The following PTPRJ variants were observed in gnomAD, a reference collection of about 807,000 sequenced individuals.
PTPRJ encodes protein tyrosine phosphatase receptor type J, also known as receptor-type tyrosine-protein phosphatase eta.
PTPRJ carries 129 observed loss-of-function variants against 141.3 expected under a neutral mutation model. The observed-to-expected ratio is 0.91, with a 90% confidence interval of 0.79 to 1.06. The LOEUF is 1.06. PTPRJ is among the 50% of genes least tolerant of loss of function. PTPRJ has a pLI of 0.00. For synonymous variants in PTPRJ, 610 were observed against 640.5 expected (o/e 0.95, Z 0.72); for missense variants, 1,601 against 1,679.7 (o/e 0.95, Z 0.82).
At chr11:48,105,788 A>C (rs1856273818) in intron 1 of PTPRJ, among the ~76,000 whole-genome samples, 1 of 151,972 alleles carries the variant, frequency 6.6e-6, no homozygotes, top group Admixed American at 6.6e-5. Context: ...TGCTGTGCCC[A>C]CTAGGAGGAG....
intron 1 of PTPRJ, among the ~76,000 whole-genome samples, chr11:48,043,936 C>T (rs1854329415): frequency 6.6e-6 from 1 of 152,220 alleles, no homozygotes; most frequent in Non-Finnish European, 1.5e-5. Context: ...CAGGCTGCTG[C>T]TGGAGGAACC....
chr11:48,013,395 C>CA (rs1157907993), intron 1 of PTPRJ, among the ~76,000 whole-genome samples: 1 of 152,146 alleles, frequency 6.6e-6, no homozygotes, highest in Admixed American at 6.5e-5. Flanking sequence ...CTGCAGGAGC[C>CA]AGTGCCGGTA....
In PTPRJ at chr11:48,055,349, C is replaced by T. The variant is rs539683779; in HGVS notation, c.97-54709C>T. On this transcript the variant is annotated intron_variant, in intron 1 of 24. Coordinates refer to ENST00000418331, the MANE Select transcript of PTPRJ (RefSeq NM_002843.4). The stretch of plus-strand genomic sequence containing the variant: ...TTTTGCCTGGCTGAATGCCTGCAAG[C>T]ATGGGAACTTTTGATGCAACAGTAA... 8.5e-5 allele frequency among the ~76,000 whole-genome samples: 13 copies of T among 152,306 alleles called. 1 individual carries two copies. The highest frequency in any genetic ancestry group is 3.1e-4 in the African/African-American group (13 of 41,566).
chr11:48,136,111 C>T lies in PTPRJ; in HGVS notation c.1688C>T (p.Pro563Leu), dbSNP rs767845396. Residue 563 changes from proline (P) to leucine (L), a missense_variant, in exon 9 of 25, where the codon CCT becomes CTT. Transcript: ENST00000418331. ...GAGATGTGGCTGGACTGGAAGAGCC[C>T]TGACGGTGCTTCCGAGTATGTCTAC... ...TTEMWLDWKS[P>L]DGASEYVYHL... The T allele has an allele frequency of 4.9e-5, 79 of 1,614,052 alleles. No homozygotes were observed. In the East Asian group the frequency reaches 1.6e-3, roughly 34 times the overall value.
At chr11:48,110,661 A>G (rs949563343) in intron 2 of PTPRJ, among the ~76,000 whole-genome samples, 2 of 152,182 alleles carry the variant, frequency 1.3e-5, no homozygotes, top group African/African-American at 4.8e-5. Flanking sequence ...CATTATTTGT[A>G]TATTGTTTAT....
intron 1 of PTPRJ, among the ~76,000 whole-genome samples, chr11:48,031,675 T>C (rs143363259): frequency 5.3e-5 from 8 of 152,268 alleles, no homozygotes; most frequent in Non-Finnish European, 8.8e-5. Flanking sequence ...ATGTACAGAT[T>C]TGGCTCAGAG....
chr11:48,113,117 A>G, intron 3 of PTPRJ, 134 bp downstream of exon 3: 1 of 666,608 alleles, frequency 1.5e-6, no homozygotes, highest in Non-Finnish European at 2.5e-6. Context: ...TAAAGATAGT[A>G]ATGCATATTC....
At chr11:48,149,312 G>A in intron 15 of PTPRJ, 135 bp from the exon 16 acceptor site, 1 of 672,680 alleles carries the variant, frequency 1.5e-6, no homozygotes. Flanking sequence ...AGGATTTGGT[G>A]TCAGCTGTGA....
intron 23 of PTPRJ, among the ~76,000 whole-genome samples, 166 bp from the exon 24 acceptor site, chr11:48,164,214 T>C (rs963025473): frequency 1.3e-5 from 2 of 152,250 alleles, no homozygotes; most frequent in African/African-American, 4.8e-5. Flanking sequence ...AAGCTAGTGC[T>C]GTCTGACTTG....
At chr11:48,031,922 T>C (rs1046962785) in intron 1 of PTPRJ, among the ~76,000 whole-genome samples, 10 of 152,074 alleles carry the variant, frequency 6.6e-5, no homozygotes, top group African/African-American at 2.4e-4. Context: ...ATTTCAAGGG[T>C]TATTTTGCTT....
intron 6 of PTPRJ, among the ~76,000 whole-genome samples, chr11:48,125,546 A>G (rs901350595): frequency 6.6e-6 from 1 of 152,228 alleles, no homozygotes; most frequent in African/African-American, 2.4e-5. Context: ...TGAGTTAAGA[A>G]AGTTATGAAA....
intron 1 of PTPRJ, among the ~76,000 whole-genome samples, chr11:48,033,520 T>C (rs1854042193): frequency 6.6e-6 from 1 of 152,136 alleles, no homozygotes; most frequent in African/African-American, 2.4e-5. Flanking sequence ...GGGATACAAG[T>C]ACCTGTTCAT....
At chr11:48,120,694 C>T (rs886753721) in intron 3 of PTPRJ, among the ~76,000 whole-genome samples, 1 of 152,104 alleles carries the variant, frequency 6.6e-6, no homozygotes, top group African/African-American at 2.4e-5. Flanking sequence ...CCGCCTTGAC[C>T]TCCTAAAGTT....
In PTPRJ at chr11:48,155,875, G is replaced by C. The variant is rs761584872; in HGVS notation, c.3303+1G>C. 3 of 1,600,454 alleles carry C rather than the reference G, an allele frequency of 1.9e-6. No individual in the cohort carries two copies. The highest frequency in any genetic ancestry group is 1.7e-6 in the Non-Finnish European group (2 of 1,167,724). ...CTACATCAATGCCAACTACATGCCT[G>C]TAAGTTGGGGGACGGTCTCACAGCA... is the stretch of plus-strand genomic sequence containing the variant. On this transcript the variant is annotated splice_donor_variant, in intron 20 of 24. Coordinates refer to ENST00000418331, the MANE Select transcript of PTPRJ (RefSeq NM_002843.4). LOFTEE classifies it high-confidence loss of function.
intron 1 of PTPRJ, among the ~76,000 whole-genome samples, chr11:48,047,401 G>A (rs1165057864): frequency 1.3e-5 from 2 of 152,156 alleles, no homozygotes; most frequent in African/African-American, 4.8e-5. Context: ...TCAGAGTGAG[G>A]GTCTCTGCCT....
chr11:48,064,907 C>T (rs1251214646), intron 1 of PTPRJ, among the ~76,000 whole-genome samples: 3 of 151,714 alleles, frequency 2.0e-5, no homozygotes, highest in Non-Finnish European at 2.9e-5. Context: ...AGGCGTGAGC[C>T]ACTGCGCCCG....
At chr11:48,117,683 G>C (rs1053876954) in intron 3 of PTPRJ, among the ~76,000 whole-genome samples, 9 of 137,508 alleles carry the variant, frequency 6.5e-5, no homozygotes, top group Non-Finnish European at 1.3e-4. Context: ...AGAAAAATAA[G>C]AACAAACTAA....
intron 18 of PTPRJ, among the ~76,000 whole-genome samples, chr11:48,151,697 G>A (rs1857488538): frequency 6.6e-6 from 1 of 150,770 alleles, no homozygotes; most frequent in African/African-American, 2.4e-5. Flanking sequence ...AACATGCGGT[G>A]TTTGGTTTTC....
intron 14 of PTPRJ, 51 bp downstream of exon 14, chr11:48,145,175 C>T (rs769516701): frequency 6.8e-5 from 109 of 1,610,062 alleles, no homozygotes; most frequent in Non-Finnish European, 8.8e-5. Context: ...TTTTGCTCCA[C>T]GTGTCCATAG....
Sources: gnomAD v4.1 joint callset for allele counts (sites outside exome capture counted in the v4.1 genomes callset) on GRCh38, gnomAD v4.1.1 for gene constraint, MANE v1.5 for transcripts, NCBI Gene and HGNC (gene_info 2026-07-23, HGNC 2026-07-21) for gene names.